The following ASPH variants were observed in gnomAD, a reference collection of about 807,000 sequenced individuals.
ASPH encodes aspartyl/asparaginyl beta-hydroxylase.
Under a neutral mutation model 118.4 loss-of-function variants are expected in ASPH, and 100 were observed. The ratio of observed to expected loss-of-function variants is 0.84; its 90% CI spans 0.72 to 1.00. ASPH has a LOEUF of 1.00. Among genes scored for constraint, ASPH ranks in the 50% least tolerant of loss-of-function variants. The pLI, the probability that ASPH is intolerant of heterozygous loss-of-function variation, is 0.00. For missense variants in ASPH, 920 were observed against 919.5 expected (o/e 1.00, Z -0.01); for synonymous variants, 315 against 325.6 (o/e 0.97, Z 0.35).
chr8:61,542,934 T>C (rs1005162955), intron 21 of ASPH, among the ~76,000 whole-genome samples: 4 of 152,224 alleles, frequency 2.6e-5, no homozygotes, highest in Admixed American at 2.6e-4. Flanking sequence ...GATGACAAGT[T>C]GGCTGTTCAT....
At chr8:61,641,629 T>C (rs2150951069) in intron 10 of ASPH, among the ~76,000 whole-genome samples, 1 of 152,312 alleles carries the variant, frequency 6.6e-6, no homozygotes, top group South Asian at 2.1e-4. Flanking sequence ...CTATAGATGA[T>C]GAACTTGGTA....
intron 13 of ASPH, chr8:61,625,787 T>C (rs555000299): frequency 1.0e-6 from 1 of 986,132 alleles, no homozygotes; most frequent in East Asian, 1.1e-4. Context: ...ATGATCTCTG[T>C]TAGCGTTTTT....
chr8:61,550,708 T>C (rs943440107), intron 20 of ASPH, among the ~76,000 whole-genome samples: 5 of 152,372 alleles, frequency 3.3e-5, no homozygotes, highest in Non-Finnish European at 7.3e-5. Flanking sequence ...CAGAATGTTA[T>C]GTTATTTTGC....
At chr8:61,677,584 T>A (rs1826003787) in intron 3 of ASPH, among the ~76,000 whole-genome samples, 6 of 152,200 alleles carry the variant, frequency 3.9e-5, no homozygotes, top group Admixed American at 3.9e-4. Flanking sequence ...AAAAGAACTA[T>A]ATTATGTCAT....
chr8:61,505,691 T>C (rs2129611344), intron 24 of ASPH, among the ~76,000 whole-genome samples: 1 of 152,272 alleles, frequency 6.6e-6, no homozygotes, highest in Admixed American at 6.5e-5. Flanking sequence ...TGATTGGCTC[T>C]TCTACAACTC....
At chr8:61,657,459 G>A (rs2151207151) in intron 3 of ASPH, 1 of 152,254 alleles carries the variant, frequency 6.6e-6, no homozygotes, top group East Asian at 1.9e-4. Context: ...AAACTGTACA[G>A]CACGTACTGT....
At chr8:61,560,643 AT>A (rs1829483050) in intron 18 of ASPH, among the ~76,000 whole-genome samples, 1 of 152,144 alleles carries the variant, frequency 6.6e-6, no homozygotes, top group African/African-American at 2.4e-5. Flanking sequence ...ATATCCTTAT[AT>A]TTTAGACTTT....
chr8:61,522,345 G>T (rs1813424891), intron 22 of ASPH, among the ~76,000 whole-genome samples: 1 of 152,100 alleles, frequency 6.6e-6, no homozygotes, highest in African/African-American at 2.4e-5. Flanking sequence ...CACAGTTCTG[G>T]AGGCTGAAAG....
chr8:61,698,104 C>G (rs1484716129), intron 1 of ASPH, among the ~76,000 whole-genome samples: 4 of 152,172 alleles, frequency 2.6e-5, no homozygotes. Flanking sequence ...ACCTGGCTGA[C>G]AAATTAAATT....
In ASPH at chr8:61,589,131, T is replaced by C. The variant is rs1041338038; in HGVS notation, c.977-5102A>G. On this transcript the variant is annotated intron_variant, in intron 14 of 24. Coordinates refer to ENST00000379454, the MANE Select transcript of ASPH (RefSeq NM_004318.4). ...AGGGGATGACTACAAGGGCACAAAA[T>C]AATTTAGGGGGTTGCAAAGTTCTGT... Among the ~76,000 whole-genome samples, 37 of 152,118 alleles carry C rather than the reference T, an allele frequency of 2.4e-4. 1 individual carries two copies. The highest frequency in any genetic ancestry group is 2.4e-3 in the Admixed American group (37 of 15,270).
Position 61,646,833 on chromosome 8 carries a change from G to A in ASPH, c.536C>T (p.Pro179Leu), listed in dbSNP as rs746430806. The A allele has an allele frequency of 1.3e-5, 21 of 1,613,858 alleles. No individual in the cohort carries two copies. Among genetic ancestry groups the A allele is most frequent in the Non-Finnish European group, 1.6e-5 (19 of 1,179,888 alleles). The change falls in exon 6 of 25, where the codon CCA (proline) becomes CTA (leucine). Residue 179 changes from proline to leucine, a missense_variant. Pro to Leu is a moderately conservative substitution (Grantham distance 98, BLOSUM62 -3). Coordinates refer to ENST00000379454, the MANE Select transcript of ASPH (RefSeq NM_004318.4). ...LQQEDGPTGE[P>L]QQEDDEFLMA... ...AAGAAACTCATCATCCTCTTGTTGT[G>A]GTTCTCCTGTGGGTCCATCTTCTTG...
Position 61,714,293 on chromosome 8 carries a change from T to G in ASPH, c.79A>C (p.Ser27Arg), listed in dbSNP as rs758712450. ...GSGSGSTSAG[S>R]SSPGARRETK... ...CCTCTCCGGGCCCCGGGGCTGCTGC[T>G]GCCCGCACTCGTGCTACCGCTGCCG... is the stretch of plus-strand genomic sequence containing the variant. The change falls in exon 1 of 25, where the codon AGC (serine) becomes CGC (arginine). Residue 27 changes from serine to arginine, a missense_variant. Coordinates refer to ENST00000379454, the MANE Select transcript of ASPH (RefSeq NM_004318.4). 74 of 1,521,790 alleles carry G rather than the reference T, an allele frequency of 4.9e-5. No individual in the cohort carries two copies. The South Asian group carries it at 8.1e-4, about 17-fold the overall frequency. The allele number at this position is 1,521,790 out of a possible 1,614,324, so 94.3% of individuals were successfully genotyped here.
intron 3 of ASPH, chr8:61,659,649 C>A (rs1250354388): frequency 6.6e-6 from 1 of 152,176 alleles, no homozygotes; most frequent in Non-Finnish European, 1.5e-5. Context: ...CAATTATATT[C>A]TTAGGCAAAT....
At chr8:61,552,469 T>A (rs1162300114) in intron 20 of ASPH, among the ~76,000 whole-genome samples, 1 of 152,226 alleles carries the variant, frequency 6.6e-6, no homozygotes, top group Non-Finnish European at 1.5e-5. Flanking sequence ...ACAATGTTCG[T>A]CTTAAACTTG....
Position 61,689,810 on chromosome 8 carries a change from C to A in ASPH, c.104-5622G>T, listed in dbSNP as rs532572656. On this transcript the variant is annotated intron_variant, in intron 1 of 24. Transcript: ENST00000379454. ...TGCACTTGCCTACCAGAGCTTGAGACTGGCCAATCCCTGCACTGTAAGGGC... is the reference window on the plus strand; with the variant it reads ...TGCACTTGCCTACCAGAGCTTGAGAATGGCCAATCCCTGCACTGTAAGGGC... The A allele has an allele frequency of 1.4e-4, 213 of 1,475,534 alleles. 1 individual carries two copies. The African/African-American group carries it at 2.9e-3, about 20-fold the overall frequency. The allele number at this position is 1,475,534 out of a possible 1,614,324, so 91.4% of individuals were successfully genotyped here.
At chr8:61,643,668 T>C (rs2150983839) in intron 8 of ASPH, among the ~76,000 whole-genome samples, 1 of 152,348 alleles carries the variant, frequency 6.6e-6, no homozygotes, top group African/African-American at 2.4e-5. Context: ...TACATCATAC[T>C]GCCCCTTCAA....
At chr8:61,707,635 T>G (rs188759007) in intron 1 of ASPH, among the ~76,000 whole-genome samples, 1 of 152,174 alleles carries the variant, frequency 6.6e-6, no homozygotes, top group East Asian at 1.9e-4. Flanking sequence ...TGGGGAGAGA[T>G]AGGCACATAC....
chr8:61,521,388 G>A (rs1812943397), intron 22 of ASPH, among the ~76,000 whole-genome samples: 1 of 138,010 alleles, frequency 7.2e-6, no homozygotes, highest in African/African-American at 3.2e-5. Context: ...AGTGCTCACT[G>A]ATCCTAGTAA....
At chr8:61,566,630 A>T (rs1006041192) in intron 17 of ASPH, among the ~76,000 whole-genome samples, 1 of 152,254 alleles carries the variant, frequency 6.6e-6, no homozygotes, top group African/African-American at 2.4e-5. Context: ...CAATCAATGC[A>T]GCAAACTTCA....
Sources: allele counts gnomAD v4.1 joint callset (sites outside exome capture counted in the v4.1 genomes callset), GRCh38; gene constraint gnomAD v4.1.1; transcripts MANE v1.5; gene names NCBI Gene and HGNC (gene_info 2026-07-23, HGNC 2026-07-21).